The following ATRNL1 variants were observed in gnomAD, a reference collection of about 807,000 sequenced individuals.
ATRNL1 encodes attractin like 1.
A neutral mutation model predicts 182.7 loss-of-function variants in ATRNL1; 95 were observed. That is an observed-to-expected ratio of 0.52 (90% confidence interval 0.44 to 0.62). The LOEUF (loss-of-function observed/expected upper bound fraction) is 0.62, where lower values mean the gene tolerates loss of function less well. ATRNL1 is among the 20% of genes least tolerant of loss of function. The pLI, the probability that ATRNL1 is intolerant of heterozygous loss-of-function variation, is 0.00. For missense variants in ATRNL1, 1,471 were observed against 1,679.5 expected (o/e 0.88, Z 2.17); for synonymous variants, 576 against 568.3 (o/e 1.01, Z -0.19).
chr10:115,619,231 A>C (rs1857593891), intron 26 of ATRNL1, among the ~76,000 whole-genome samples: 1 of 152,050 alleles, frequency 6.6e-6, no homozygotes, highest in Admixed American at 6.6e-5. Context: ...TTGCCACTCT[A>C]CTGAAGGGAG....
intron 27 of ATRNL1, among the ~76,000 whole-genome samples, chr10:115,819,581 A>G (rs1555089637): frequency 1.3e-5 from 2 of 152,176 alleles, no homozygotes; most frequent in Admixed American, 6.6e-5. Flanking sequence ...CTTTTTTATT[A>G]TCATTCTGCC....
intron 13 of ATRNL1, among the ~76,000 whole-genome samples, chr10:115,272,978 C>T (rs1554913723): frequency 6.6e-6 from 1 of 152,158 alleles, no homozygotes. Flanking sequence ...GCGAGGAAGG[C>T]AAATCTATAG....
chr10:115,750,566 C>T (rs1948419994), intron 27 of ATRNL1, among the ~76,000 whole-genome samples: 1 of 151,708 alleles, frequency 6.6e-6, no homozygotes, highest in Admixed American at 6.6e-5. Flanking sequence ...AGTTTCTTAA[C>T]TGATTCTAAA....
At chr10:115,385,294 G>A (rs1858272573) in intron 19 of ATRNL1, among the ~76,000 whole-genome samples, 1 of 152,040 alleles carries the variant, frequency 6.6e-6, no homozygotes, top group Admixed American at 6.6e-5. Context: ...ATATTTGTCT[G>A]TTGGCTAAGG....
intron 19 of ATRNL1, among the ~76,000 whole-genome samples, chr10:115,391,937 C>G (rs925594082): frequency 5.3e-4 from 81 of 151,902 alleles, no homozygotes; most frequent in African/African-American, 1.9e-3. Context: ...TTGCTAATGG[C>G]AAGTTAAATA....
Position 115,093,648 on chromosome 10 carries a change from G to A in ATRNL1, c.-103G>A. 1 of 1,281,108 alleles carries A rather than the reference G, an allele frequency of 7.8e-7. No individual in the cohort carries two copies. Among genetic ancestry groups the A allele is most frequent in the Non-Finnish European group, 1.1e-6 (1 of 928,824 alleles). The allele number at this position is 1,281,108 out of a possible 1,614,324, so 79.4% of individuals were successfully genotyped here. ...TCGGACGGGCGCCGGTGAGGAGGAGGAGAAGCGGCGGCGGAGAGGTTTTCT... is the reference window on the plus strand; with the variant it reads ...TCGGACGGGCGCCGGTGAGGAGGAGAAGAAGCGGCGGCGGAGAGGTTTTCT... On this transcript the variant is annotated 5_prime_UTR_variant, in exon 1 of 29. Coordinates refer to ENST00000355044, the MANE Select transcript of ATRNL1 (RefSeq NM_207303.4). This position sits in a 1 kb window ranked among gnomAD's most constrained non-coding sequence, Gnocchi z 6.1.
chr10:115,644,337 A>G (rs781923958), intron 26 of ATRNL1, among the ~76,000 whole-genome samples: 12 of 152,294 alleles, frequency 7.9e-5, no homozygotes, highest in East Asian at 1.9e-4. Flanking sequence ...ACAATGGCCA[A>G]CCTTACCTTA....
intron 28 of ATRNL1, among the ~76,000 whole-genome samples, chr10:115,863,744 C>T (rs782796339): frequency 1.5e-4 from 23 of 152,162 alleles, no homozygotes; most frequent in Non-Finnish European, 2.5e-4. Context: ...GTACTTAGCA[C>T]TCATCTCTTG....
At chr10:115,435,744 A>G (rs1028057556) in intron 21 of ATRNL1, among the ~76,000 whole-genome samples, 8 of 152,166 alleles carry the variant, frequency 5.3e-5, no homozygotes, top group Non-Finnish European at 1.0e-4. Flanking sequence ...AGATATCACA[A>G]ACCTTTTGTT....
intron 15 of ATRNL1, among the ~76,000 whole-genome samples, chr10:115,295,278 G>C (rs1554922171): frequency 6.6e-6 from 1 of 152,126 alleles, no homozygotes; most frequent in African/African-American, 2.4e-5. Flanking sequence ...CAGGATGCAG[G>C]TGCATTGCTG....
At chr10:115,462,206 A>T (rs1554969844) in intron 22 of ATRNL1, among the ~76,000 whole-genome samples, 171 bp downstream of exon 22, 4 of 152,110 alleles carry the variant, frequency 2.6e-5, no homozygotes, top group African/African-American at 9.7e-5. Context: ...TGAATTTGAT[A>T]TTTCAGATTT....
In ATRNL1 at chr10:115,499,587, G is replaced by A. The variant is rs534359683; in HGVS notation, c.3655-19676G>A. Among the ~76,000 whole-genome samples the A allele has an allele frequency of 2.6e-4, 39 of 152,266 alleles. 1 individual carries two copies. The South Asian group carries it at 7.9e-3, about 31-fold the overall frequency. On this transcript the variant is annotated intron_variant, in intron 24 of 28. Transcript: ENST00000355044. ...AGGGAGACATAAGACATTAACATAT[G>A]TAAGATGAACATTGATTCAGTCTGG...
Position 115,948,482 on chromosome 10 carries a change from C to T in ATRNL1, c.*3703C>T, listed in dbSNP as rs1000864581. 6 of 152,180 alleles carry T rather than the reference C, an allele frequency of 3.9e-5. No homozygotes were observed. The highest frequency in any genetic ancestry group is 1.4e-4 in the African/African-American group (6 of 41,446). The allele number at this position is 152,180 out of a possible 1,614,324, so 9.4% of individuals were successfully genotyped here. A position where few individuals can be genotyped will look rare whatever the true frequency, so the allele number is the denominator to read the frequency against. On this transcript the variant is annotated 3_prime_UTR_variant, in exon 29 of 29. Coordinates refer to ENST00000355044, the MANE Select transcript of ATRNL1 (RefSeq NM_207303.4). ...TACTAGAGTGAGCTTGGAAACTTAC[C>T]TGATTACAGGAATTGCTTGGGTTCA...
At chr10:115,843,622 G>A (rs943879464) in intron 27 of ATRNL1, among the ~76,000 whole-genome samples, 5 of 151,996 alleles carry the variant, frequency 3.3e-5, no homozygotes, top group African/African-American at 1.2e-4. Context: ...TTGTTGAACA[G>A]TTATTAATAG....
chr10:115,753,908 G>C (rs1224756875), intron 27 of ATRNL1, among the ~76,000 whole-genome samples: 3 of 152,240 alleles, frequency 2.0e-5, no homozygotes, highest in Admixed American at 6.5e-5. Context: ...GTTTTGATTT[G>C]CATTTCTCTA....
chr10:115,371,233 G>T (rs2134197093), intron 19 of ATRNL1, among the ~76,000 whole-genome samples: 1 of 152,310 alleles, frequency 6.6e-6, no homozygotes, highest in Middle Eastern at 3.4e-3. Context: ...AGGGAATTGT[G>T]GGGTGGTACC....
chr10:115,509,610 A>G (rs73371502), intron 24 of ATRNL1, among the ~76,000 whole-genome samples: 7,069 of 151,994 alleles, frequency 0.047, 530 homozygotes, highest in African/African-American at 0.16. Context: ...CTTCCCCAGA[A>G]GCCTTGCAGA....
At chr10:115,782,220 A>G (rs1949282640) in intron 27 of ATRNL1, among the ~76,000 whole-genome samples, 1 of 152,166 alleles carries the variant, frequency 6.6e-6, no homozygotes, top group Admixed American at 6.5e-5. Context: ...GAATCAGGTA[A>G]GATCTTTAGC....
chr10:115,442,303 C>CTGTGTGTG (rs67934464), intron 21 of ATRNL1, among the ~76,000 whole-genome samples: 3 of 123,762 alleles, frequency 2.4e-5, no homozygotes, highest in Non-Finnish European at 1.7e-5. Context: ...CTCTCTCTCT[C>CTGTGTGTG]TGTGTGTATG....
Sources: allele counts gnomAD v4.1 joint callset (sites outside exome capture counted in the v4.1 genomes callset), GRCh38; gene constraint gnomAD v4.1.1; non-coding constraint Gnocchi (gnomAD v3.1); transcripts MANE v1.5; gene names NCBI Gene and HGNC (gene_info 2026-07-23, HGNC 2026-07-21).